Variants in UACA observed in about 807,000 individuals in gnomAD.
UACA encodes the protein nuclear membrane binding protein.
In UACA, 112 loss-of-function variants were observed where a neutral mutation model predicts 160.5. The observed-to-expected ratio is 0.70, with a 90% CI of 0.60 to 0.82. The LOEUF is 0.82. UACA is among the 40% of genes least tolerant of loss of function. UACA has a pLI of 0.00. For missense variants in UACA, 1,574 were observed against 1,614.6 expected (o/e 0.97, Z 0.43); for synonymous variants, 557 against 568.4 (o/e 0.98, Z 0.29).
intron 5 of UACA, 141 bp downstream of exon 5, chr15:70,690,313 C>A: frequency 1.3e-6 from 1 of 790,566 alleles, no homozygotes; most frequent in Non-Finnish European, 2.1e-6. Flanking sequence ...TCTAATAAAT[C>A]TCTAATTTGT....
chr15:70,660,018 C>T, intron 18 of UACA, 133 bp downstream of exon 18: 2 of 669,746 alleles, frequency 3.0e-6, no homozygotes, highest in African/African-American at 1.9e-5. Flanking sequence ...TTAAAAGAAA[C>T]ATAATTATTT....
intron 16 of UACA, among the ~76,000 whole-genome samples, chr15:70,665,307 T>C (rs1198734246): frequency 2.6e-5 from 4 of 152,228 alleles, no homozygotes; most frequent in East Asian, 3.8e-4. Context: ...GGCTTGTTTA[T>C]AGGAATAGGA....
intron 1 of UACA, 100 bp downstream of exon 1, chr15:70,763,230 A>G: frequency 8.2e-7 from 1 of 1,225,134 alleles, no homozygotes. Context: ...CCGAACTGGC[A>G]GAGGAAAAGC....
chr15:70,715,996 A>G (rs1898810964), intron 1 of UACA, among the ~76,000 whole-genome samples: 1 of 152,222 alleles, frequency 6.6e-6, no homozygotes, highest in Non-Finnish European at 1.5e-5. Context: ...TGCAGCCACT[A>G]TCCATTTCTT....
upstream of UACA, among the ~76,000 whole-genome samples, chr15:70,766,409 C>G (rs2031009638): frequency 6.6e-6 from 1 of 151,950 alleles, no homozygotes; most frequent in Non-Finnish European, 1.5e-5. Flanking sequence ...TTTGTTATCA[C>G]ACTGAGCCTA....
chr15:70,752,966 C>A (rs1191307397), intron 1 of UACA, among the ~76,000 whole-genome samples: 1 of 152,104 alleles, frequency 6.6e-6, no homozygotes, highest in East Asian at 1.9e-4. Context: ...TTACACTCTA[C>A]AATGAATATA....
In UACA at chr15:70,669,395, A is replaced by G. The variant is rs147499743; in HGVS notation, c.1289T>C (p.Leu430Ser). 1.6e-5 allele frequency: 26 copies of G among 1,613,776 alleles called. No individual in the cohort carries two copies. In the African/African-American group the frequency reaches 2.8e-4, roughly 17 times the overall value. The change falls in exon 16 of 19, where the codon TTA becomes TCA. Residue 430 changes from leucine (L) to serine (S), a missense_variant. By Grantham distance (145) the Leu-to-Ser change is moderately radical (BLOSUM62 -2). Coordinates refer to ENST00000322954, the MANE Select transcript of UACA (RefSeq NM_018003.4). ...RSMLRPLELSLPSQTSYSENE... is the reference protein window; with the variant it reads ...RSMLRPLELSSPSQTSYSENE... ...TTCAGAGTATGACGTTTGACTGGGT[A>G]AAGATAGTTCCAGAGGTCTTAACAT... is the stretch of plus-strand genomic sequence containing the variant.
rs764727706 is a variant in UACA, at chr15:70,667,702, G to A, written c.2982C>T (p.Cys994=). 14 of 1,613,406 alleles carry A rather than the reference G, an allele frequency of 8.7e-6. No individual in the cohort carries two copies. Among genetic ancestry groups the A allele is most frequent in the African/African-American group, 4.0e-5 (3 of 74,794 alleles). ...KYAPIVSFEE[C]ERKFKATEKE... is the part of the protein sequence containing the mutation. ...TCTCTGTTGCTTTAAATTTTCTCTCGCACTCCTCAAAGCTGACAATTGGGG... is the reference window on the plus strand; with the variant it reads ...TCTCTGTTGCTTTAAATTTTCTCTCACACTCCTCAAAGCTGACAATTGGGG... Residue 994 remains cysteine, a synonymous_variant, in exon 16 of 19, where the codon TGC becomes TGT. Coordinates refer to ENST00000322954, the MANE Select transcript of UACA (RefSeq NM_018003.4).
intron 7 of UACA, among the ~76,000 whole-genome samples, chr15:70,685,828 G>A (rs554855157): frequency 6.6e-6 from 1 of 151,678 alleles, no homozygotes; most frequent in African/African-American, 2.4e-5. Context: ...TGTTGCCAGC[G>A]CAGTGGCATG....
chr15:70,702,419 A>C (rs1898398505), intron 1 of UACA: 1 of 593,838 alleles, frequency 1.7e-6, no homozygotes, highest in African/African-American at 2.0e-5. Flanking sequence ...AGAAAGGAGC[A>C]GCTAAGAATA....
chr15:70,674,332 C>A (rs1345157397), intron 13 of UACA, among the ~76,000 whole-genome samples: 1 of 152,038 alleles, frequency 6.6e-6, no homozygotes, highest in African/African-American at 2.4e-5. Context: ...GGAACAGTTA[C>A]AAAACAGGAT....
intron 1 of UACA, among the ~76,000 whole-genome samples, chr15:70,708,641 T>G (rs1301272243): frequency 6.6e-6 from 1 of 152,066 alleles, no homozygotes; most frequent in Non-Finnish European, 1.5e-5. Flanking sequence ...GCTAATTTTT[T>G]TGTATTTTTA....
At chr15:70,713,290 G>C (rs1898738803) in intron 1 of UACA, among the ~76,000 whole-genome samples, 1 of 152,230 alleles carries the variant, frequency 6.6e-6, no homozygotes, top group African/African-American at 2.4e-5. Context: ...AGAGCCTGCA[G>C]TGAGCCGAGA....
At chr15:70,705,321 G>A (rs186807296) in intron 1 of UACA, among the ~76,000 whole-genome samples, 58 of 152,184 alleles carry the variant, frequency 3.8e-4, no homozygotes, top group African/African-American at 1.3e-3. Flanking sequence ...CTGAGGTCAG[G>A]AGCTCGAGAC....
At chr15:70,680,884 G>A (rs952501871) in intron 9 of UACA, among the ~76,000 whole-genome samples, 6 of 152,200 alleles carry the variant, frequency 3.9e-5, no homozygotes, top group Non-Finnish European at 8.8e-5. Context: ...GTAGTCACTG[G>A]TGGGTACATA....
At chr15:70,718,028 TACACACACAC>T (rs140483075) in intron 1 of UACA, among the ~76,000 whole-genome samples, 39 of 142,680 alleles carry the variant, frequency 2.7e-4, no homozygotes, top group African/African-American at 8.5e-4. Context: ...AATTTCTTTA[TACACACACAC>T]ACACACACAC....
At chr15:70,741,716 G>A (rs774734524) in intron 1 of UACA, among the ~76,000 whole-genome samples, 8 of 152,174 alleles carry the variant, frequency 5.3e-5, no homozygotes, top group South Asian at 2.1e-4. Flanking sequence ...TGATTAAAAC[G>A]TTAGTTTTAA....
chr15:70,666,990 T>C lies in UACA; in HGVS notation c.3694A>G (p.Thr1232Ala), dbSNP rs779609784. Residue 1232 changes from threonine (T) to alanine (A), a missense_variant, in exon 16 of 19, where the codon ACA (threonine) becomes GCA (alanine). Physicochemically the swap from Thr to Ala is moderately conservative, Grantham distance 58. Transcript: ENST00000322954. ...EVVDLSKYKA[T>A]KSDLETQISS... The stretch of plus-strand genomic sequence containing the variant: ...ATCTGTGTCTCCAAATCACTTTTTG[T>C]TGCTTTATATTTAGACAAGTCAACT... 6.2e-7 allele frequency: 1 copy of C among 1,612,898 alleles called. No homozygotes were observed. The highest frequency in any genetic ancestry group is 1.7e-4 in the Middle Eastern group (1 of 6,054).
chr15:70,662,169 G>C (rs1210455245), intron 17 of UACA, among the ~76,000 whole-genome samples: 1 of 151,982 alleles, frequency 6.6e-6, no homozygotes, highest in Admixed American at 6.6e-5. Context: ...AAAGTCTCAG[G>C]GTACAAAATC....
Sources: gnomAD v4.1 joint callset for allele counts (sites outside exome capture counted in the v4.1 genomes callset) on GRCh38, gnomAD v4.1.1 for gene constraint, MANE v1.5 for transcripts, NCBI Gene and HGNC (gene_info 2026-07-23, HGNC 2026-07-21) for gene names.